The following DIAPH3 variants were observed in gnomAD, a reference collection of about 807,000 sequenced individuals.
DIAPH3 encodes the protein diaphanous related formin 3.
DIAPH3 carries 117 observed loss-of-function variants against 144.3 expected under a neutral mutation model. That is an observed-to-expected ratio of 0.81 (90% CI 0.70 to 0.95). DIAPH3 has a LOEUF of 0.95. Among genes scored for constraint, DIAPH3 ranks in the 40% least tolerant of loss-of-function variants. The pLI is 0.00. For synonymous variants in DIAPH3, 519 were observed against 488.9 expected (o/e 1.06, Z -0.81); for missense variants, 1,421 against 1,412.7 (o/e 1.01, Z -0.09).
At position 59,714,454 on chromosome 13, in the gene DIAPH3, G is replaced by C. The variant is rs1022192512; in HGVS notation, c.3320-47608C>G. 2.0e-5 allele frequency among the ~76,000 whole-genome samples: 3 copies of C among 151,900 alleles called. 1 individual carries two copies. The highest frequency in any genetic ancestry group is 4.8e-5 in the African/African-American group (2 of 41,350). On this transcript the variant is annotated intron_variant, in intron 27 of 27. Transcript: ENST00000400324. Reference sequence around the variant, plus strand: ...GGAGGTGAAGGTGGAAGGATTGTATGAGCTCAGGAGTTTGAGGCTGCAATG... The same window carrying C: ...GGAGGTGAAGGTGGAAGGATTGTATCAGCTCAGGAGTTTGAGGCTGCAATG...
rs192920457 is a variant in DIAPH3 at position 59,980,332 on chromosome 13, G to A, written c.1545+463C>T. ...TTTATATATGATTTCATTCTTAAGGGCTTAATATCATTTCTTGAGAATTAC... is the reference window on the plus strand; with the variant it reads ...TTTATATATGATTTCATTCTTAAGGACTTAATATCATTTCTTGAGAATTAC... On this transcript the variant is annotated intron_variant, in intron 14 of 27. Transcript: ENST00000400324. Among the ~76,000 whole-genome samples the A allele has an allele frequency of 1.6e-3, 243 of 151,518 alleles. 1 individual carries two copies. Among genetic ancestry groups the A allele is most frequent in the African/African-American group, 5.4e-3 (222 of 41,408 alleles).
intron 27 of DIAPH3, among the ~76,000 whole-genome samples, chr13:59,722,862 G>C (rs2138919204): frequency 6.6e-6 from 1 of 152,220 alleles, no homozygotes; most frequent in Non-Finnish European, 1.5e-5. Context: ...ATCAAAGCTT[G>C]ATCTAAATTG....
At chr13:60,020,656 T>C (rs966913201) in intron 5 of DIAPH3, among the ~76,000 whole-genome samples, 43 of 152,342 alleles carry the variant, frequency 2.8e-4, no homozygotes, top group African/African-American at 9.9e-4. Context: ...TAAGCCACTA[T>C]GCCTGGCCAA....
At chr13:60,069,009 G>T (rs554397729) in intron 4 of DIAPH3, among the ~76,000 whole-genome samples, 220 of 152,172 alleles carry the variant, frequency 1.4e-3, no homozygotes, top group Non-Finnish European at 2.6e-3. Context: ...CTCAGTAATG[G>T]GATTGCTGGA....
At chr13:59,685,138 T>C (rs1194575432) in intron 27 of DIAPH3, among the ~76,000 whole-genome samples, 1 of 152,070 alleles carries the variant, frequency 6.6e-6, no homozygotes, top group African/African-American at 2.4e-5. Context: ...TTGGGGAGTG[T>C]AGGGGTGAAG....
chr13:59,970,095 A>AGT, intron 16 of DIAPH3, 37 bp from the exon 17 acceptor site: 1 of 1,283,514 alleles, frequency 7.8e-7, no homozygotes, highest in Non-Finnish European at 1.1e-6. Flanking sequence ...TCAATAGGTG[A>AGT]GTGTTTCACC....
intron 27 of DIAPH3, among the ~76,000 whole-genome samples, chr13:59,713,728 G>A (rs1555278654): frequency 1.3e-5 from 2 of 152,130 alleles, no homozygotes; most frequent in South Asian, 4.1e-4. Flanking sequence ...GCTTAAAAAA[G>A]AAAGTCTGTT....
chr13:60,084,309 T>A (rs1594620214), intron 4 of DIAPH3, among the ~76,000 whole-genome samples: 1 of 152,082 alleles, frequency 6.6e-6, no homozygotes, highest in African/African-American at 2.4e-5. Context: ...CTTTTTTTGA[T>A]GTTTTCTGTA....
intron 2 of DIAPH3, among the ~76,000 whole-genome samples, chr13:60,121,856 T>C (rs1278100583): frequency 2.0e-5 from 3 of 152,108 alleles, no homozygotes; most frequent in Non-Finnish European, 4.4e-5. Flanking sequence ...AATAAAGACA[T>C]AAACCAAAGC....
intron 24 of DIAPH3, among the ~76,000 whole-genome samples, chr13:59,832,253 C>T (rs2041816082): frequency 6.6e-6 from 1 of 151,628 alleles, no homozygotes; most frequent in Non-Finnish European, 1.5e-5. Context: ...ATTAGTTTTC[C>T]TTTAAAAATA....
At chr13:59,982,475 T>C (rs1342150387) in intron 13 of DIAPH3, among the ~76,000 whole-genome samples, 2 of 151,550 alleles carry the variant, frequency 1.3e-5, no homozygotes, top group Non-Finnish European at 3.0e-5. Context: ...ACAAGCATTT[T>C]CATTAATATT....
chr13:60,137,263 A>C (rs2059308882), intron 1 of DIAPH3, among the ~76,000 whole-genome samples: 1 of 152,264 alleles, frequency 6.6e-6, no homozygotes, highest in Non-Finnish European at 1.5e-5. Flanking sequence ...AAAAAAGTAG[A>C]AACACAGAAC....
intron 3 of DIAPH3, among the ~76,000 whole-genome samples, chr13:60,094,299 T>A (rs755926135): frequency 6.6e-6 from 1 of 152,194 alleles, no homozygotes; most frequent in Non-Finnish European, 1.5e-5. Context: ...ACATAAAAGT[T>A]GTACTTATAA....
chr13:59,672,211 T>C (rs761304978), intron 27 of DIAPH3, among the ~76,000 whole-genome samples: 12 of 152,226 alleles, frequency 7.9e-5, no homozygotes, highest in Non-Finnish European at 1.3e-4. Flanking sequence ...GTATCAGTTA[T>C]GGTTCAGAAA....
chr13:59,785,529 T>G (rs2038990713), intron 25 of DIAPH3, among the ~76,000 whole-genome samples: 1 of 152,200 alleles, frequency 6.6e-6, no homozygotes, highest in African/African-American at 2.4e-5. Flanking sequence ...CAAAGACTAT[T>G]GTGAAGATTA....
chr13:60,038,619 T>G (rs1247155683), intron 5 of DIAPH3, among the ~76,000 whole-genome samples: 1 of 152,212 alleles, frequency 6.6e-6, no homozygotes, highest in Non-Finnish European at 1.5e-5. Context: ...AAAATTATAG[T>G]TATCAACTTA....
At chr13:59,721,320 A>C (rs2035331665) in intron 27 of DIAPH3, among the ~76,000 whole-genome samples, 1 of 152,200 alleles carries the variant, frequency 6.6e-6, no homozygotes, top group South Asian at 2.1e-4. Flanking sequence ...GGGATATGTA[A>C]CTTAATTTGT....
At chr13:59,748,645 C>A (rs1383093365) in intron 27 of DIAPH3, among the ~76,000 whole-genome samples, 1 of 152,138 alleles carries the variant, frequency 6.6e-6, no homozygotes, top group Non-Finnish European at 1.5e-5. Context: ...GTGTTATTTA[C>A]AAATCCATTT....
At chr13:59,994,856 A>C (rs1319078243) in intron 9 of DIAPH3, among the ~76,000 whole-genome samples, 1 of 151,954 alleles carries the variant, frequency 6.6e-6, no homozygotes, top group Non-Finnish European at 1.5e-5. Flanking sequence ...GTCAAGTCAC[A>C]AAATTCAGAT....
Sources: gnomAD v4.1 joint callset for allele counts (sites outside exome capture counted in the v4.1 genomes callset) on GRCh38, gnomAD v4.1.1 for gene constraint, MANE v1.5 for transcripts, NCBI Gene and HGNC (gene_info 2026-07-23, HGNC 2026-07-21) for gene names.